Variants in BABAM2 observed in about 807,000 individuals in gnomAD.
BABAM2 encodes BRISC and BRCA1 A complex member 2, also known as BRISC and BRCA1-A complex member 2.
Under a neutral mutation model 54.7 loss-of-function variants are expected in BABAM2, and 31 were observed. That is an observed-to-expected ratio of 0.57 (90% CI 0.43 to 0.77). The LOEUF is 0.77. BABAM2 is among the 30% of genes least tolerant of loss of function. BABAM2 has a pLI of 0.00. For synonymous variants in BABAM2, 167 were observed against 162.9 expected, an observed-to-expected ratio of 1.03 and a Z score of -0.19; for missense variants, 364 against 455.8, an observed-to-expected ratio of 0.80 and a Z score of 1.83.
rs932701413 is a variant in BABAM2, at chr2:28,309,962, T to C, written c.1088+11471T>C. The C allele has an allele frequency of 3.7e-6, 4 of 1,086,844 alleles. No homozygotes were observed. The East Asian group carries it at 7.3e-5, about 20-fold the overall frequency. The allele number at this position is 1,086,844 out of a possible 1,614,324, so 67.3% of individuals were successfully genotyped here. On this transcript the variant is annotated intron_variant, in intron 11 of 11. Transcript: ENST00000379624. ...CCGTCCCTCCTGGGCCTTTTCCTTATGGGGTTTAGAAGTAGAGCTGTGAAG... is the reference window on the plus strand; with the variant it reads ...CCGTCCCTCCTGGGCCTTTTCCTTACGGGGTTTAGAAGTAGAGCTGTGAAG...
chr2:27,909,116 C>T (rs1018507047), intron 2 of BABAM2, among the ~76,000 whole-genome samples: 3 of 152,116 alleles, frequency 2.0e-5, no homozygotes, highest in African/African-American at 4.8e-5. Context: ...AATCACAGCT[C>T]ACTGTGCAGC....
chr2:28,052,736 T>C (rs1432085126), intron 6 of BABAM2, among the ~76,000 whole-genome samples: 1 of 152,220 alleles, frequency 6.6e-6, no homozygotes, highest in Non-Finnish European at 1.5e-5. Flanking sequence ...TCTTTTATAT[T>C]GTTAGGAGAA....
At position 28,304,205 on chromosome 2, in the gene BABAM2, G is replaced by A. The variant is rs1275969369; in HGVS notation, c.1088+5714G>A. 3.3e-5 allele frequency among the ~76,000 whole-genome samples: 5 copies of A among 151,940 alleles called. No homozygotes were observed. In the East Asian group the frequency reaches 9.7e-4, roughly 30 times the overall value. On this transcript the variant is annotated intron_variant, in intron 11 of 11. Transcript: ENST00000379624. The surrounding 1 kb of genome is among the most constrained non-coding windows in gnomAD (Gnocchi z 4.0). ...CTAGTAGCTGGGATTACAGGCGCCC[G>A]CCACTATGCCCGGCCAATTTTTGTG...
At chr2:28,337,743 G>A (rs1691596008) in intron 11 of BABAM2, among the ~76,000 whole-genome samples, 2 of 152,232 alleles carry the variant, frequency 1.3e-5, no homozygotes, top group South Asian at 4.1e-4. Context: ...CCAGCACTTT[G>A]GGAGGCCGAG....
intron 10 of BABAM2, among the ~76,000 whole-genome samples, chr2:28,272,066 G>A (rs1685470163): frequency 6.6e-6 from 1 of 152,110 alleles, no homozygotes; most frequent in Admixed American, 6.6e-5. Context: ...AATTCTTTTG[G>A]GAAAGCATCC....
In BABAM2 at chr2:28,025,376, T is replaced by G; in HGVS notation, c.451T>G (p.Tyr151Asp). Residue 151 changes from tyrosine to aspartate, a missense_variant, in exon 5 of 12, where the codon TAT (tyrosine) becomes GAT (aspartate). Physicochemically the swap from Tyr to Asp is radical, Grantham distance 160. Transcript: ENST00000379624. ...CCAGACATTACTGGAGGAGCCACAG[T>G]ATGGAGAGAACATGGAAATTTATGC... ...EYQTLLEEPQ[Y>D]GENMEIYAGK... 2 of 1,597,002 alleles carry G rather than the reference T, an allele frequency of 1.3e-6. No homozygotes were observed. Among genetic ancestry groups the G allele is most frequent in the East Asian group, 2.2e-5 (1 of 44,534 alleles).
intron 2 of BABAM2, among the ~76,000 whole-genome samples, chr2:27,901,616 A>G: frequency 6.6e-6 from 1 of 152,220 alleles, no homozygotes; most frequent in East Asian, 1.9e-4. Flanking sequence ...GTTTGGCTGC[A>G]TGAGTCTCTC....
chr2:28,176,497 G>A (rs1674958732), intron 7 of BABAM2, among the ~76,000 whole-genome samples: 1 of 139,358 alleles, frequency 7.2e-6, no homozygotes, highest in Admixed American at 7.7e-5. Context: ...TTGAACCCAG[G>A]AGGCAGAGGT....
intron 6 of BABAM2, among the ~76,000 whole-genome samples, chr2:28,112,313 C>A (rs1004377666): frequency 6.6e-6 from 1 of 150,610 alleles, no homozygotes; most frequent in Non-Finnish European, 1.5e-5. Context: ...ACCCACCAAC[C>A]TGTCATCTAC....
At chr2:28,327,492 C>T (rs1053072951) in intron 11 of BABAM2, 1 of 1,502,326 alleles carries the variant, frequency 6.7e-7, no homozygotes, top group African/African-American at 1.4e-5. Context: ...AACCAGAATT[C>T]ATCCCAATAC....
At chr2:27,988,576 G>T (rs1356156116) in intron 4 of BABAM2, among the ~76,000 whole-genome samples, 1 of 152,086 alleles carries the variant, frequency 6.6e-6, no homozygotes, top group Non-Finnish European at 1.5e-5. Context: ...ACCAGATTAA[G>T]TGTTCTTTAT....
intron 2 of BABAM2, among the ~76,000 whole-genome samples, chr2:27,916,624 C>G (rs1573159033): frequency 6.6e-6 from 1 of 152,286 alleles, no homozygotes; most frequent in South Asian, 2.1e-4. Context: ...AATGCATTCT[C>G]TTTCTTCTTA....
intron 10 of BABAM2, among the ~76,000 whole-genome samples, chr2:28,280,423 C>T (rs567564956): frequency 6.6e-6 from 1 of 152,130 alleles, no homozygotes; most frequent in Non-Finnish European, 1.5e-5. Context: ...AAAAGTTGCT[C>T]TAACTCTCAG....
At chr2:27,936,657 A>G (rs1668506602) in intron 3 of BABAM2, among the ~76,000 whole-genome samples, 1 of 152,188 alleles carries the variant, frequency 6.6e-6, no homozygotes, top group Non-Finnish European at 1.5e-5. Context: ...AGGGACATGG[A>G]TGAAACTGGA....
At chr2:28,089,604 A>G (rs993180565) in intron 6 of BABAM2, among the ~76,000 whole-genome samples, 10 of 152,242 alleles carry the variant, frequency 6.6e-5, no homozygotes, top group Non-Finnish European at 1.0e-4. Context: ...TATTATCTAC[A>G]TCTTACAGAT....
In BABAM2 at chr2:28,026,818, ATATT is replaced by A. The variant is rs1271901991; in HGVS notation, c.495+1402_495+1405del. Among the ~76,000 whole-genome samples, 333 of 89,072 alleles carry A rather than the reference ATATT, an allele frequency of 3.7e-3. 18 individuals carry two copies. Among genetic ancestry groups the A allele is most frequent in the African/African-American group, 0.016 (317 of 19,830 alleles). 58.4% of individuals were successfully genotyped at this position (89,072 alleles called of 152,430 possible). On this transcript the variant is annotated intron_variant, in intron 5 of 11. Transcript: ENST00000379624. ...ATTTATATAAAAAATATATAAATAT[ATATT>A]TATATATATAAATATATATAAATAT...
At chr2:28,031,762 G>A (rs184713875) in intron 5 of BABAM2, among the ~76,000 whole-genome samples, 1 of 152,234 alleles carries the variant, frequency 6.6e-6, no homozygotes, top group East Asian at 1.9e-4. Flanking sequence ...AGCCTTTACT[G>A]GCCAACTGAG....
At chr2:28,127,024 A>G (rs1558363063) in intron 6 of BABAM2, among the ~76,000 whole-genome samples, 2 of 151,952 alleles carry the variant, frequency 1.3e-5, no homozygotes, top group South Asian at 2.1e-4. Flanking sequence ...AGTTCATTGT[A>G]GATTCTGGAT....
intron 3 of BABAM2, among the ~76,000 whole-genome samples, chr2:27,986,166 C>T (rs781376427): frequency 6.6e-6 from 1 of 152,022 alleles, no homozygotes; most frequent in Non-Finnish European, 1.5e-5. Flanking sequence ...TGCTTTTACT[C>T]CATTTGATAT....
Sources: gnomAD v4.1 joint callset for allele counts (sites outside exome capture counted in the v4.1 genomes callset) on GRCh38, gnomAD v4.1.1 for gene constraint, Gnocchi (gnomAD v3.1) non-coding constraint, MANE v1.5 for transcripts, NCBI Gene and HGNC (gene_info 2026-07-23, HGNC 2026-07-21) for gene names.